The following SEC24A variants were observed in gnomAD, a reference collection of about 807,000 sequenced individuals.
SEC24A encodes the protein protein transport protein Sec24A.
A neutral mutation model predicts 129.4 loss-of-function variants in SEC24A; 93 were observed. That is an observed-to-expected ratio of 0.72 (90% CI 0.61 to 0.85). SEC24A has a LOEUF of 0.85. SEC24A is among the 40% of genes least tolerant of loss of function. The probability of loss-of-function intolerance (pLI) is 0.00; values close to 1 mark genes in which losing one functional copy is unlikely to be tolerated. For synonymous variants in SEC24A, 460 were observed against 467.3 expected (o/e 0.98, Z 0.20); for missense variants, 1,264 against 1,307.4 (o/e 0.97, Z 0.51).
intron 2 of SEC24A, among the ~76,000 whole-genome samples, chr5:134,662,051 G>A (rs969116643): frequency 6.6e-6 from 1 of 151,882 alleles, no homozygotes; most frequent in Non-Finnish European, 1.5e-5. Flanking sequence ...GGCTGGTCTT[G>A]AACTCCCGAC....
intron 1 of SEC24A, among the ~76,000 whole-genome samples, chr5:134,654,423 T>C (rs1750171046): frequency 6.6e-6 from 1 of 152,062 alleles, no homozygotes; most frequent in South Asian, 2.1e-4. Flanking sequence ...GGTTTCACCA[T>C]GTTGGACAGG....
At chr5:134,699,301 C>CGTTTTTTTTTTTTTTTTTTTTTTT (rs1429369613) in intron 15 of SEC24A, among the ~76,000 whole-genome samples, 9 of 138,420 alleles carry the variant, frequency 6.5e-5, no homozygotes, top group African/African-American at 2.2e-4. Flanking sequence ...CCATTTTATC[C>CGTTTTTTTTTTTTTTTTTTTTTTT]TTTTTTTTTT....
intron 10 of SEC24A, 144 bp from the exon 11 acceptor site, chr5:134,688,037 G>A (rs1751507896): frequency 3.0e-6 from 2 of 663,962 alleles, no homozygotes; most frequent in Middle Eastern, 3.8e-4. Flanking sequence ...CATGGTAAAC[G>A]TTGGGTGGTT....
chr5:134,679,806 A>C, intron 8 of SEC24A, 78 bp downstream of exon 8: 1 of 412,014 alleles, frequency 2.4e-6, no homozygotes, highest in Non-Finnish European at 3.5e-6. Context: ...ATGCACAGTT[A>C]AAAAAAAAAA....
At chr5:134,665,844 T>TA (rs1173680965) in intron 2 of SEC24A, among the ~76,000 whole-genome samples, 3 of 152,196 alleles carry the variant, frequency 2.0e-5, no homozygotes, top group Admixed American at 2.0e-4. Flanking sequence ...ACTCTAAACT[T>TA]AGTTGATGTT....
Position 134,675,115 on chromosome 5 carries a change from T to C in SEC24A, c.1049T>C (p.Val350Ala), listed in dbSNP as rs1451166561. ...GLSLQPEGLR[V>A]VNLLQERNML... ...AGTCTACAACCAGAGGGTCTAAGAG[T>C]TGTCAATCTTCTTCAAGAAAGAAAC... Residue 350 changes from valine (V) to alanine (A), a missense_variant, in exon 6 of 23, where the codon GTT (valine) becomes GCT (alanine). Physicochemically the swap from Val to Ala is moderately conservative, Grantham distance 64 (BLOSUM62 0). Transcript: ENST00000398844. 6.2e-7 allele frequency: 1 copy of C among 1,613,170 alleles called. No homozygotes were observed. Among genetic ancestry groups the C allele is most frequent in the Non-Finnish European group, 8.5e-7 (1 of 1,179,458 alleles).
At chr5:134,704,444 G>T (rs1019818707) in intron 16 of SEC24A, among the ~76,000 whole-genome samples, 1 of 152,084 alleles carries the variant, frequency 6.6e-6, no homozygotes, top group Non-Finnish European at 1.5e-5. Flanking sequence ...TTAGCATATT[G>T]TCATTTGAAT....
intron 7 of SEC24A, 71 bp from the exon 8 acceptor site, chr5:134,679,531 G>A: frequency 9.3e-7 from 1 of 1,077,770 alleles, no homozygotes; most frequent in Non-Finnish European, 1.4e-6. Context: ...TAGACAGGAT[G>A]GATTCATGCT....
At chr5:134,660,179 T>G (rs1212964031) in intron 1 of SEC24A, among the ~76,000 whole-genome samples, 1 of 146,470 alleles carries the variant, frequency 6.8e-6, no homozygotes, top group Non-Finnish European at 1.5e-5. Flanking sequence ...CTGGGCAACA[T>G]AGTGAGTCTC....
chr5:134,658,257 C>T (rs1052186099), intron 1 of SEC24A, among the ~76,000 whole-genome samples: 2 of 152,060 alleles, frequency 1.3e-5, no homozygotes, highest in Middle Eastern at 3.4e-3. Context: ...GGCAACAGAG[C>T]GAGACTCTGT....
intron 4 of SEC24A, among the ~76,000 whole-genome samples, chr5:134,673,180 C>T (rs1464564519): frequency 1.3e-5 from 2 of 151,542 alleles, no homozygotes; most frequent in South Asian, 2.1e-4. Context: ...CTCAGCTTCC[C>T]GAGTAGCTGG....
chr5:134,687,857 C>T (rs574566072), intron 10 of SEC24A, among the ~76,000 whole-genome samples: 5 of 152,238 alleles, frequency 3.3e-5, no homozygotes, highest in South Asian at 2.1e-4. Flanking sequence ...AACTTAAAAT[C>T]ATCTGCAAAA....
chr5:134,667,342 G>A (rs1750695526), intron 3 of SEC24A, among the ~76,000 whole-genome samples: 1 of 151,828 alleles, frequency 6.6e-6, no homozygotes, highest in African/African-American at 2.4e-5. Context: ...TTAAAATATT[G>A]ACCTTTTTCA....
At chr5:134,660,848 C>T (rs1294452821) in intron 1 of SEC24A, among the ~76,000 whole-genome samples, 7 of 152,064 alleles carry the variant, frequency 4.6e-5, no homozygotes, top group African/African-American at 9.7e-5. Context: ...TGAGCCACTG[C>T]GCTGGCCTTC....
chr5:134,666,813 G>A lies in SEC24A; in HGVS notation c.566-10G>A. 1 of 1,613,698 alleles carries A rather than the reference G, an allele frequency of 6.2e-7. No homozygotes were observed. The highest frequency in any genetic ancestry group is 8.5e-7 in the Non-Finnish European group (1 of 1,179,778). On this transcript the variant is annotated splice_polypyrimidine_tract_variant and intron_variant, in intron 2 of 22. Coordinates refer to ENST00000398844, the MANE Select transcript of SEC24A (RefSeq NM_021982.3). ...CTCAAGTGACGTGTGAAAAACCAAT[G>A]TTTCCATAGGTCCTTCTGTACCTCC...
chr5:134,713,250 G>A (rs1313214077), intron 18 of SEC24A, among the ~76,000 whole-genome samples: 1 of 151,992 alleles, frequency 6.6e-6, no homozygotes, highest in Non-Finnish European at 1.5e-5. Flanking sequence ...AAATTTTGAC[G>A]TTTAAAAATC....
chr5:134,686,310 C>T (rs1040888090), intron 9 of SEC24A, among the ~76,000 whole-genome samples: 1 of 151,820 alleles, frequency 6.6e-6, no homozygotes, highest in Admixed American at 6.6e-5. Context: ...TCTCGGCTCA[C>T]TGCAACCTCC....
chr5:134,686,232 A>G (rs376160855), intron 9 of SEC24A, among the ~76,000 whole-genome samples: 13 of 151,596 alleles, frequency 8.6e-5, no homozygotes, highest in African/African-American at 2.9e-4. Context: ...TACTCCCAGA[A>G]TCCCTTCTTT....
chr5:134,726,972 T>C lies in SEC24A; in HGVS notation c.*1878T>C, dbSNP rs1389153318. On this transcript the variant is annotated 3_prime_UTR_variant, in exon 23 of 23. Coordinates refer to ENST00000398844, the MANE Select transcript of SEC24A (RefSeq NM_021982.3). ...TCACAAATTTACTTTTAAATATTAT[T>C]TTAGATACGGTGTAACATGTGCAAT... The C allele has an allele frequency of 5.2e-5, 8 of 152,482 alleles. No individual in the cohort carries two copies. Among genetic ancestry groups the C allele is most frequent in the African/African-American group, 1.4e-4 (6 of 41,454 alleles). The allele number at this position is 152,482 out of a possible 1,614,324, so 9.4% of individuals were successfully genotyped here.
Sources: gnomAD v4.1 joint callset for allele counts (sites outside exome capture counted in the v4.1 genomes callset) on GRCh38, gnomAD v4.1.1 for gene constraint, MANE v1.5 for transcripts, NCBI Gene and HGNC (gene_info 2026-07-23, HGNC 2026-07-21) for gene names.